Variants in EMSY observed in about 807,000 individuals in gnomAD.
EMSY encodes the protein BRCA2-interacting transcriptional repressor EMSY.
EMSY carries 26 observed loss-of-function variants against 134.6 expected under a neutral mutation model. The observed-to-expected ratio is 0.19, with a 90% confidence interval of 0.14 to 0.27. EMSY has a LOEUF of 0.27. EMSY is among the 10% of genes least tolerant of loss of function. EMSY has a pLI of 1.00. For missense variants in EMSY, 1,305 were observed against 1,611.4 expected (o/e 0.81, Z 3.26); for synonymous variants, 579 against 577.8 (o/e 1.00, Z -0.03).
intron 14 of EMSY, among the ~76,000 whole-genome samples, chr11:76,531,952 A>T (rs1951056234): frequency 1.3e-5 from 2 of 152,038 alleles, no homozygotes; most frequent in African/African-American, 4.8e-5. Flanking sequence ...AGGAAGAGAA[A>T]TTTTTATTTC....
At chr11:76,486,509 A>G (rs12284703) in intron 8 of EMSY, among the ~76,000 whole-genome samples, 54 of 152,310 alleles carry the variant, frequency 3.5e-4, no homozygotes, top group African/African-American at 1.2e-3. Flanking sequence ...GCTGTTGCCA[A>G]TGCTTGGAAC....
chr11:76,519,382 G>A (rs116328588), intron 11 of EMSY, among the ~76,000 whole-genome samples: 121 of 152,146 alleles, frequency 8.0e-4, no homozygotes, highest in African/African-American at 2.7e-3. Flanking sequence ...ATTTTATAGC[G>A]TCAAATATTT....
At chr11:76,519,600 T>C (rs1395365410) in intron 11 of EMSY, among the ~76,000 whole-genome samples, 1 of 152,182 alleles carries the variant, frequency 6.6e-6, no homozygotes, top group African/African-American at 2.4e-5. Flanking sequence ...GTTTTTGCAC[T>C]TTTTCATTCG....
chr11:76,487,082 C>T (rs937845034), intron 8 of EMSY, among the ~76,000 whole-genome samples: 1 of 152,176 alleles, frequency 6.6e-6, no homozygotes, highest in Non-Finnish European at 1.5e-5. Context: ...TCGAGACCAT[C>T]CTGGCTAACA....
chr11:76,472,934 G>A, intron 8 of EMSY, 94 bp downstream of exon 9: 1 of 1,359,972 alleles, frequency 7.4e-7, no homozygotes, highest in Admixed American at 1.9e-5. Context: ...TGGATATGAA[G>A]GTCCCTACTA....
At chr11:76,462,965 A>T (rs1948186455) in intron 6 of EMSY, among the ~76,000 whole-genome samples, 1 of 152,212 alleles carries the variant, frequency 6.6e-6, no homozygotes, top group African/African-American at 2.4e-5. Context: ...CTTTTAGGTG[A>T]TTGTTGCTAA....
intron 8 of EMSY, among the ~76,000 whole-genome samples, chr11:76,488,534 T>G (rs7130650): frequency 0.28 from 40,418 of 142,020 alleles, 5,663 homozygotes; most frequent in Non-Finnish European, 0.33. Flanking sequence ...ATTTTTTTTT[T>G]GTTTTTTTTT....
At chr11:76,470,407 C>T (rs978617160) in intron 7 of EMSY, among the ~76,000 whole-genome samples, 33 of 152,096 alleles carry the variant, frequency 2.2e-4, no homozygotes, top group Non-Finnish European at 3.5e-4. Context: ...TAATAGTACA[C>T]GTATCATAGA....
chr11:76,552,182 T>C (rs75886560), downstream of EMSY: 100 of 152,318 alleles, frequency 6.6e-4, no homozygotes, highest in East Asian at 0.016. Context: ...TCAACAAATA[T>C]TAATTGAGCA....
chr11:76,510,221 C>A (rs1171769605), intron 9 of EMSY, among the ~76,000 whole-genome samples: 1 of 152,164 alleles, frequency 6.6e-6, no homozygotes, highest in Non-Finnish European at 1.5e-5. Flanking sequence ...AGTGTGGTGG[C>A]ATATGCTTGT....
At chr11:76,446,139 C>G (rs1039900459) in intron 1 of EMSY, among the ~76,000 whole-genome samples, 7 of 152,050 alleles carry the variant, frequency 4.6e-5, no homozygotes, top group East Asian at 1.9e-4. Flanking sequence ...CGGCTCTACT[C>G]TGTGCTAAGC....
chr11:76,532,620 C>G lies in EMSY; in HGVS notation c.2195-3275C>G, dbSNP rs74468405. 5.5e-3 allele frequency among the ~76,000 whole-genome samples: 843 copies of G among 152,086 alleles called. 3 individuals carry two copies. The highest frequency in any genetic ancestry group is 0.017 in the African/African-American group (720 of 41,496). Reference sequence around the variant, plus strand: ...ATGGGTTCCAGATTTTTTTTAAACACATATTAAAGATTATTTATATTATGC... The same window carrying G: ...ATGGGTTCCAGATTTTTTTTAAACAGATATTAAAGATTATTTATATTATGC... On this transcript the variant is annotated intron_variant, in intron 14 of 20. Coordinates refer to ENST00000334736, the Ensembl canonical transcript of EMSY.
intron 11 of EMSY, among the ~76,000 whole-genome samples, chr11:76,518,659 T>C (rs140750266): frequency 1.2e-4 from 18 of 145,062 alleles, no homozygotes; most frequent in East Asian, 4.0e-4. Context: ...TTTCTATTCG[T>C]TTGTATAAAG....
chr11:76,547,508 C>T (rs1951695916), intron 20 of EMSY, among the ~76,000 whole-genome samples: 1 of 152,096 alleles, frequency 6.6e-6, no homozygotes, highest in Non-Finnish European at 1.5e-5. Context: ...CTGGCTTTGC[C>T]ATTCATTGTA....
chr11:76,447,517 C>G (rs908256677), intron 2 of EMSY, among the ~76,000 whole-genome samples: 8 of 152,160 alleles, frequency 5.3e-5, no homozygotes, highest in African/African-American at 1.9e-4. Context: ...TGATGTAAGC[C>G]ATGCTCACTT....
chr11:76,493,312 A>G (rs1949500351), intron 8 of EMSY, among the ~76,000 whole-genome samples: 1 of 152,152 alleles, frequency 6.6e-6, no homozygotes, highest in African/African-American at 2.4e-5. Context: ...GTGGGTTGAT[A>G]AGGGCCTGCA....
chr11:76,513,451 C>G (rs1021486526), exon 10 of EMSY: 1 of 1,613,782 alleles, frequency 6.2e-7, no homozygotes, highest in African/African-American at 1.3e-5. Flanking sequence ...GACAGCAACT[C>G]TACCCACCAG....
chr11:76,456,004 G>T (rs1429056879), intron 4 of EMSY, among the ~76,000 whole-genome samples: 1 of 152,088 alleles, frequency 6.6e-6, no homozygotes, highest in Non-Finnish European at 1.5e-5. Context: ...GGATATGTGG[G>T]CCAAGGTAGT....
intron 12 of EMSY, 38 bp downstream of exon 13, chr11:76,523,329 A>G (rs751526884): frequency 2.5e-6 from 4 of 1,589,640 alleles, no homozygotes; most frequent in Middle Eastern, 1.7e-4. Context: ...AGCAATTCAC[A>G]GAGGATTTAA....
Sources: gnomAD v4.1 joint callset for allele counts (sites outside exome capture counted in the v4.1 genomes callset) on GRCh38, gnomAD v4.1.1 for gene constraint, MANE v1.5 for transcripts, NCBI Gene and HGNC (gene_info 2026-07-23, HGNC 2026-07-21) for gene names.